Variants in ADARB1 observed in about 807,000 individuals in gnomAD.
ADARB1 encodes double-stranded RNA-specific editase 1.
ADARB1 carries 10 observed loss-of-function variants against 52.4 expected under a neutral mutation model. The ratio of observed to expected loss-of-function variants is 0.19; its 90% CI spans 0.12 to 0.32. The LOEUF is 0.32. ADARB1 is among the 10% of genes least tolerant of loss of function. The pLI is 1.00. For synonymous variants in ADARB1, 349 were observed against 371.1 expected, an observed-to-expected ratio of 0.94 and a Z score of 0.68; for missense variants, 643 against 922.3, an observed-to-expected ratio of 0.70 and a Z score of 3.92.
chr21:45,141,037 A>C (rs2089692965), intron 2 of ADARB1, among the ~76,000 whole-genome samples: 1 of 152,198 alleles, frequency 6.6e-6, no homozygotes, highest in Non-Finnish European at 1.5e-5. Flanking sequence ...AAAAAATAAA[A>C]GTAAAAATAA....
rs531696527 is a variant in ADARB1 at position 45,075,459 on chromosome 21, G to A, written c.-220+666G>A. ...GAGTCTGCGCCCTGGACGGTCCTGC[G>A]TGTCCTTCCGAGGGCGCAGTGTCCG... On this transcript the variant is annotated intron_variant, in intron 1 of 10. Transcript: ENST00000348831. 3.8e-4 allele frequency among the ~76,000 whole-genome samples: 58 copies of A among 152,276 alleles called. No individual in the cohort carries two copies. The South Asian group carries it at 6.4e-3, about 17-fold the overall frequency.
intron 8 of ADARB1, among the ~76,000 whole-genome samples, chr21:45,189,401 A>G (rs1390112260): frequency 6.6e-6 from 1 of 152,166 alleles, no homozygotes; most frequent in Non-Finnish European, 1.5e-5. Context: ...GAAGTCACAA[A>G]TTACATCTTT....
At chr21:45,101,280 C>T (rs1268816179) in intron 1 of ADARB1, among the ~76,000 whole-genome samples, 2 of 152,142 alleles carry the variant, frequency 1.3e-5, no homozygotes, top group Non-Finnish European at 2.9e-5. Flanking sequence ...CTCGCTGTGC[C>T]CTGCGCGCGG....
chr21:45,075,437 T>G (rs1654252716), intron 1 of ADARB1, among the ~76,000 whole-genome samples: 1 of 149,144 alleles, frequency 6.7e-6, no homozygotes, highest in African/African-American at 2.5e-5. Flanking sequence ...TGGGGACGAG[T>G]CTGCGCCCTG....
At chr21:45,135,978 C>T (rs917103656) in intron 2 of ADARB1, among the ~76,000 whole-genome samples, 1 of 152,198 alleles carries the variant, frequency 6.6e-6, no homozygotes, top group Non-Finnish European at 1.5e-5. Flanking sequence ...AGGCCGCCAG[C>T]AGCCACGGGA....
In ADARB1 at chr21:45,136,234, C is replaced by T. The variant is rs189349426; in HGVS notation, c.-48+7661C>T. On this transcript the variant is annotated intron_variant, in intron 2 of 10. Transcript: ENST00000348831. The stretch of plus-strand genomic sequence containing the variant: ...GTTCTGGCCTCCTGTCAGGTGCCCT[C>T]GTGCGGGAATGAGTGAGGGACAGCA... Among the ~76,000 whole-genome samples the T allele has an allele frequency of 3.4e-3, 525 of 152,234 alleles. 4 individuals carry two copies. The highest frequency in any genetic ancestry group is 0.011 in the African/African-American group (474 of 41,540).
chr21:45,093,519 C>A (rs1010881885), intron 1 of ADARB1, among the ~76,000 whole-genome samples: 2 of 152,190 alleles, frequency 1.3e-5, no homozygotes, highest in Admixed American at 1.3e-4. Flanking sequence ...GTTTTTCTGC[C>A]GCCTCTTGCG....
chr21:45,185,267 G>A (rs918936855), intron 8 of ADARB1, among the ~76,000 whole-genome samples, 176 bp downstream of exon 8: 2 of 152,262 alleles, frequency 1.3e-5, no homozygotes, highest in Non-Finnish European at 2.9e-5. Flanking sequence ...ACCCCCGTGA[G>A]GGGCAGCAGC....
chr21:45,114,475 G>A (rs1002579932), intron 1 of ADARB1, among the ~76,000 whole-genome samples: 12 of 152,206 alleles, frequency 7.9e-5, no homozygotes, highest in Non-Finnish European at 1.5e-4. Context: ...GGATGCCAGG[G>A]TCAGGGGAGG....
intron 1 of ADARB1, among the ~76,000 whole-genome samples, chr21:45,075,290 A>G (rs1200310274): frequency 1.4e-5 from 2 of 147,224 alleles, no homozygotes; most frequent in Non-Finnish European, 3.0e-5. Context: ...ACGGTAGGCT[A>G]TGTCCCTGGG....
At chr21:45,170,933 T>C (rs2091456066) in intron 2 of ADARB1, among the ~76,000 whole-genome samples, 1 of 152,246 alleles carries the variant, frequency 6.6e-6, no homozygotes, top group Non-Finnish European at 1.5e-5. Flanking sequence ...TACTTATATG[T>C]AACTAAGAAA....
Position 45,172,259 on chromosome 21 carries a change from T to A in ADARB1, c.28+575T>A, listed in dbSNP as rs2091513135. Among the ~76,000 whole-genome samples, 1 of 152,108 alleles carries A rather than the reference T, an allele frequency of 6.6e-6. No individual in the cohort carries two copies. Among genetic ancestry groups the A allele is most frequent in the South Asian group, 2.1e-4 (1 of 4,818 alleles). ...AAGGCCGCTGGGGTACGTTGGTGTT[T>A]CGGTGAAGGTACTTATCTCTTCTAG... On this transcript the variant is annotated intron_variant, in intron 3 of 10. Transcript: ENST00000348831. The surrounding 1 kb of genome is among the most constrained non-coding windows in gnomAD (Gnocchi z 4.4).
chr21:45,133,435 G>A, intron 2 of ADARB1: 1 of 155,418 alleles, frequency 6.4e-6, no homozygotes, highest in Non-Finnish European at 1.4e-5. Context: ...ACCTGATCAG[G>A]CCAGGCCCAC....
chr21:45,188,962 A>C (rs867115992), intron 8 of ADARB1, among the ~76,000 whole-genome samples: 1 of 152,342 alleles, frequency 6.6e-6, no homozygotes, highest in Middle Eastern at 3.4e-3. Context: ...CACAATTCAC[A>C]TGGCAGCAGA....
intron 2 of ADARB1, among the ~76,000 whole-genome samples, chr21:45,162,002 A>G (rs1160437114): frequency 6.6e-6 from 1 of 152,162 alleles, no homozygotes; most frequent in Non-Finnish European, 1.5e-5. Context: ...TTCTTCCTGG[A>G]CATGGGAGAA....
chr21:45,098,058 G>A (rs1250518556), intron 1 of ADARB1, among the ~76,000 whole-genome samples: 4 of 152,148 alleles, frequency 2.6e-5, no homozygotes, highest in East Asian at 1.9e-4. Flanking sequence ...TTCCCTCACC[G>A]TCACACCCAG....
intron 4 of ADARB1, 71 bp from the exon 5 acceptor site, chr21:45,180,259 C>G: frequency 1.8e-6 from 2 of 1,082,444 alleles, no homozygotes; most frequent in Non-Finnish European, 2.8e-6. Context: ...AGAGTGCGTG[C>G]AGCATTGAGA....
intron 1 of ADARB1, among the ~76,000 whole-genome samples, chr21:45,108,032 G>A (rs1474321440): frequency 3.3e-5 from 5 of 152,088 alleles, no homozygotes; most frequent in Admixed American, 6.5e-5. Flanking sequence ...CTCCAGCCTC[G>A]GTGACAGAGC....
At chr21:45,095,553 C>A (rs1336612230) in intron 1 of ADARB1, among the ~76,000 whole-genome samples, 2 of 152,108 alleles carry the variant, frequency 1.3e-5, no homozygotes, top group Non-Finnish European at 2.9e-5. Flanking sequence ...CAGGGTTCTG[C>A]ATCCTGCTGT....
Sources: gnomAD v4.1 joint callset for allele counts (sites outside exome capture counted in the v4.1 genomes callset) on GRCh38, gnomAD v4.1.1 for gene constraint, Gnocchi (gnomAD v3.1) non-coding constraint, MANE v1.5 for transcripts, NCBI Gene and HGNC (gene_info 2026-07-23, HGNC 2026-07-21) for gene names.